Variants in CPQ observed in about 807,000 individuals in gnomAD.
CPQ encodes the protein Ser-Met dipeptidase.
A neutral mutation model predicts 45.7 loss-of-function variants in CPQ; 37 were observed. The observed-to-expected ratio is 0.81, with a 90% CI of 0.62 to 1.07. The LOEUF (loss-of-function observed/expected upper bound fraction) is 1.07. Ranked by LOEUF, CPQ falls within the 50% of genes least tolerant of loss-of-function variation. The pLI is 0.00. For missense variants in CPQ, 537 were observed against 572.9 expected (o/e 0.94, Z 0.64); for synonymous variants, 186 against 205.8 (o/e 0.90, Z 0.82).
chr8:96,771,879 C>G (rs1810547835), intron 1 of CPQ, among the ~76,000 whole-genome samples: 1 of 152,030 alleles, frequency 6.6e-6, no homozygotes, highest in African/African-American at 2.4e-5. Context: ...TTTTAGCAGG[C>G]ATGAGTACCT....
intron 7 of CPQ, among the ~76,000 whole-genome samples, chr8:97,126,878 T>C (rs1811855802): frequency 6.6e-6 from 1 of 152,206 alleles, no homozygotes; most frequent in Non-Finnish European, 1.5e-5. Context: ...GCGTATATGG[T>C]CACTTAATTT....
intron 6 of CPQ, among the ~76,000 whole-genome samples, chr8:97,046,963 T>G (rs2130500598): frequency 6.6e-6 from 1 of 152,232 alleles, no homozygotes. Flanking sequence ...AGTAATTTGT[T>G]TTTTTTCAGT....
At chr8:96,990,057 A>G (rs1297814850) in intron 5 of CPQ, among the ~76,000 whole-genome samples, 1 of 151,418 alleles carries the variant, frequency 6.6e-6, no homozygotes, top group Non-Finnish European at 1.5e-5. Context: ...TCCTCAAACC[A>G]CCCTCACTCC....
At chr8:96,978,578 G>A (rs144077687) in intron 5 of CPQ, among the ~76,000 whole-genome samples, 168 of 152,288 alleles carry the variant, frequency 1.1e-3, no homozygotes, top group African/African-American at 3.8e-3. Flanking sequence ...CTGGAAGGGT[G>A]GCAGATGAAT....
At chr8:96,752,602 A>C (rs188333202) in intron 1 of CPQ, among the ~76,000 whole-genome samples, 1 of 152,170 alleles carries the variant, frequency 6.6e-6, no homozygotes, top group East Asian at 1.9e-4. Flanking sequence ...CTCTCCTCCT[A>C]TTTCAGTAAT....
chr8:96,882,201 C>G (rs1189782959), intron 4 of CPQ, among the ~76,000 whole-genome samples: 1 of 152,210 alleles, frequency 6.6e-6, no homozygotes, highest in Non-Finnish European at 1.5e-5. Context: ...CTTCAAGGAC[C>G]TGGGCATCAA....
At chr8:96,684,496 C>T (rs1809198928) in intron 1 of CPQ, among the ~76,000 whole-genome samples, 1 of 152,136 alleles carries the variant, frequency 6.6e-6, no homozygotes, top group Non-Finnish European at 1.5e-5. Flanking sequence ...ACGGTTAGGA[C>T]TGATCCTTAG....
intron 1 of CPQ, among the ~76,000 whole-genome samples, chr8:96,691,129 G>A (rs559368338): frequency 6.6e-6 from 1 of 152,274 alleles, no homozygotes; most frequent in South Asian, 2.1e-4. Context: ...AAAAGCTGAA[G>A]TTCTAAATGA....
intron 1 of CPQ, among the ~76,000 whole-genome samples, chr8:96,681,109 G>C (rs1809144512): frequency 6.6e-6 from 1 of 152,146 alleles, no homozygotes; most frequent in Non-Finnish European, 1.5e-5. Flanking sequence ...CAATAGAAAA[G>C]ATAATCTCAT....
At chr8:96,856,292 T>TG (rs1215701434) in intron 3 of CPQ, among the ~76,000 whole-genome samples, 1 of 152,140 alleles carries the variant, frequency 6.6e-6, no homozygotes, top group African/African-American at 2.4e-5. Flanking sequence ...TTACGATAGC[T>TG]GGGCTAGGGT....
At chr8:97,094,640 C>T (rs147061217) in intron 7 of CPQ, among the ~76,000 whole-genome samples, 2 of 152,096 alleles carry the variant, frequency 1.3e-5, no homozygotes, top group African/African-American at 4.8e-5. Context: ...GTCCGGTCCC[C>T]CTCTATGCCC....
chr8:96,948,628 G>A (rs1257963307), intron 4 of CPQ, among the ~76,000 whole-genome samples: 1 of 152,084 alleles, frequency 6.6e-6, no homozygotes, highest in Non-Finnish European at 1.5e-5. Flanking sequence ...ACTGCTGGGT[G>A]AAATGCTCCG....
At chr8:96,743,146 C>T (rs1401597451) in intron 1 of CPQ, among the ~76,000 whole-genome samples, 1 of 152,108 alleles carries the variant, frequency 6.6e-6, no homozygotes, top group Non-Finnish European at 1.5e-5. Flanking sequence ...TTCACGTAGT[C>T]CCATATTTCT....
At chr8:96,879,051 T>A (rs1485171142) in intron 3 of CPQ, among the ~76,000 whole-genome samples, 3 of 152,190 alleles carry the variant, frequency 2.0e-5, no homozygotes, top group Non-Finnish European at 4.4e-5. Context: ...CATTAGTAGA[T>A]ACAGAGGTTG....
intron 2 of CPQ, among the ~76,000 whole-genome samples, chr8:96,808,132 A>G (rs1811109569): frequency 6.6e-6 from 1 of 152,164 alleles, no homozygotes; most frequent in Admixed American, 6.5e-5. Context: ...TATTCTATTT[A>G]GTTTTTACCA....
intron 1 of CPQ, among the ~76,000 whole-genome samples, chr8:96,662,452 AG>A (rs1720693787): frequency 6.6e-6 from 1 of 152,230 alleles, no homozygotes. Flanking sequence ...CAGTTCTTAA[AG>A]ATAAATGGAT....
intron 1 of CPQ, among the ~76,000 whole-genome samples, chr8:96,658,042 A>G (rs180716571): frequency 2.8e-3 from 432 of 152,282 alleles, no homozygotes; most frequent in African/African-American, 9.8e-3. Flanking sequence ...TGTATTGTAT[A>G]CCAAAATTTA....
In CPQ at chr8:96,742,543, C is replaced by G. The variant is rs375445522; in HGVS notation, c.-34-42321C>G. 7.0e-4 allele frequency among the ~76,000 whole-genome samples: 106 copies of G among 150,938 alleles called. 1 individual carries two copies. Among genetic ancestry groups the G allele is most frequent in the Admixed American group, 2.0e-3 (30 of 15,172 alleles). On this transcript the variant is annotated intron_variant, in intron 1 of 7. Transcript: ENST00000220763. ...ATGATGTTAGCTGGTTATTTTGCTC[C>G]TTAGTTGATGCAGTTTCTTCCTAGT... is the stretch of plus-strand genomic sequence containing the variant.
chr8:96,825,697 A>G (rs969452034), intron 2 of CPQ, among the ~76,000 whole-genome samples: 1 of 152,044 alleles, frequency 6.6e-6, no homozygotes, highest in African/African-American at 2.4e-5. Context: ...GTTGTATTGA[A>G]TCATGTGAAA....
Sources: allele counts gnomAD v4.1 joint callset (sites outside exome capture counted in the v4.1 genomes callset), GRCh38; gene constraint gnomAD v4.1.1; transcripts MANE v1.5; gene names NCBI Gene and HGNC (gene_info 2026-07-23, HGNC 2026-07-21).